The following SYK variants were observed in gnomAD, a reference collection of about 807,000 sequenced individuals.
SYK encodes the protein tyrosine-protein kinase SYK.
A neutral mutation model predicts 77.8 loss-of-function variants in SYK; 16 were observed. The ratio of observed to expected loss-of-function variants is 0.21; its 90% CI spans 0.14 to 0.31. SYK has a LOEUF of 0.31. SYK is among the 10% of genes least tolerant of loss of function. The pLI is 1.00. For missense variants in SYK, 529 were observed against 814.4 expected, an observed-to-expected ratio of 0.65 and a Z score of 4.26; for synonymous variants, 312 against 308.7, an observed-to-expected ratio of 1.01 and a Z score of -0.11.
intron 3 of SYK, among the ~76,000 whole-genome samples, chr9:90,857,156 T>C (rs1365448174): frequency 6.6e-6 from 1 of 152,274 alleles, no homozygotes; most frequent in East Asian, 1.9e-4. Context: ...TCCTTGTTCA[T>C]TGAGGAATGA....
At chr9:90,881,026 A>G (rs938200836) in intron 11 of SYK, among the ~76,000 whole-genome samples, 1 of 152,188 alleles carries the variant, frequency 6.6e-6, no homozygotes, top group Admixed American at 6.5e-5. Context: ...TGCCAGGCCT[A>G]TAAAACCAGG....
chr9:90,808,828 C>A (rs188928570), intron 1 of SYK, among the ~76,000 whole-genome samples: 1 of 152,282 alleles, frequency 6.6e-6, no homozygotes, highest in Non-Finnish European at 1.5e-5. Context: ...CCCCACACTG[C>A]TGCCTGCCTG....
At chr9:90,874,984 C>A in intron 9 of SYK, 135 bp downstream of exon 9, 2 of 1,114,460 alleles carry the variant, frequency 1.8e-6, no homozygotes, top group Non-Finnish European at 2.5e-6. Flanking sequence ...ATTTCTGGTA[C>A]TATTATAATG....
intron 3 of SYK, among the ~76,000 whole-genome samples, chr9:90,859,791 G>A (rs1675328): frequency 0.13 from 20,456 of 152,204 alleles, 1,516 homozygotes; most frequent in East Asian, 0.29. Context: ...TCTGAAGAGC[G>A]TGGAATGGTA....
rs17568705 is a variant in SYK, at chr9:90,897,433, T to G, written c.*1833T>G. 0.013 allele frequency: 3,088 copies of G among 232,268 alleles called. 41 individuals are homozygous for G. The highest frequency in any genetic ancestry group is 0.02 in the Non-Finnish European group (2,383 of 117,472). The allele number at this position is 232,268 out of a possible 1,614,324, so 14.4% of individuals were successfully genotyped here. The stretch of plus-strand genomic sequence containing the variant: ...CTGTCAGCCAGGCCACAAACAGGTG[T>G]AAAATTATGAAAGGAGTGGTTGGAT... On this transcript the variant is annotated 3_prime_UTR_variant, in exon 14 of 14. Coordinates refer to ENST00000375754, the MANE Select transcript of SYK (RefSeq NM_003177.7).
intron 1 of SYK, among the ~76,000 whole-genome samples, chr9:90,829,238 G>A (rs1440588300): frequency 6.6e-6 from 1 of 151,716 alleles, no homozygotes; most frequent in Non-Finnish European, 1.5e-5. Flanking sequence ...GCAGTGAGTG[G>A]AGATCGTGCC....
At chr9:90,893,049 A>C (rs148067163) in intron 13 of SYK, among the ~76,000 whole-genome samples, 1 of 152,220 alleles carries the variant, frequency 6.6e-6, no homozygotes, top group Non-Finnish European at 1.5e-5. Flanking sequence ...AGCTCCTGCT[A>C]TGCAGGCTGC....
intron 3 of SYK, among the ~76,000 whole-genome samples, chr9:90,847,832 C>T (rs1005641714): frequency 3.9e-5 from 6 of 152,342 alleles, no homozygotes; most frequent in African/African-American, 1.4e-4. Context: ...ACTGATGTAG[C>T]TTTTCTTCTC....
At chr9:90,838,171 G>A (rs1044676362) in intron 1 of SYK, among the ~76,000 whole-genome samples, 1 of 152,226 alleles carries the variant, frequency 6.6e-6, no homozygotes, top group Non-Finnish European at 1.5e-5. Flanking sequence ...ATGCAGATCA[G>A]GAGCTCAGTG....
rs73650275 is a variant in SYK, at chr9:90,897,923, A to G, written c.*2323A>G. ...TAGCCACCAAGGAGGGCAAATAGAG[A>G]AAGGTAACCTAATTGAAGGATTGGT... On this transcript the variant is annotated 3_prime_UTR_variant, in exon 14 of 14. Coordinates refer to ENST00000375754, the MANE Select transcript of SYK (RefSeq NM_003177.7). 4.0e-3 allele frequency: 903 copies of G among 227,470 alleles called. 7 individuals carry two copies. Among genetic ancestry groups the G allele is most frequent in the African/African-American group, 0.018 (822 of 45,164 alleles). The allele number at this position is 227,470 out of a possible 1,614,324, so 14.1% of individuals were successfully genotyped here. A position where few individuals can be genotyped will look rare whatever the true frequency, so the allele number is the denominator to read the frequency against.
intron 1 of SYK, among the ~76,000 whole-genome samples, chr9:90,806,252 G>C (rs4501705): frequency 0.23 from 35,487 of 151,958 alleles, 4,203 homozygotes; most frequent in Middle Eastern, 0.35. Context: ...GATATACCAA[G>C]TAATCTCACG....
At chr9:90,882,477 C>T (rs1301653285) in intron 11 of SYK, among the ~76,000 whole-genome samples, 4 of 152,256 alleles carry the variant, frequency 2.6e-5, no homozygotes, top group South Asian at 4.1e-4. Flanking sequence ...CAGAAGATAA[C>T]CAGACTCCGC....
At position 90,829,225 on chromosome 9, in the gene SYK, G is replaced by A. The variant is rs1806433; in HGVS notation, c.-41-14633G>A. On this transcript the variant is annotated intron_variant, in intron 1 of 13. Coordinates refer to ENST00000375754, the MANE Select transcript of SYK (RefSeq NM_003177.7). ...AATTGCTTGAACCCAGGAGGCAGAC[G>A]TTGCAGTGAGTGGAGATCGTGCCAT... Among the ~76,000 whole-genome samples, 375 of 151,812 alleles carry A rather than the reference G, an allele frequency of 2.5e-3. 3 individuals are homozygous for A. Among genetic ancestry groups the A allele is most frequent in the African/African-American group, 8.6e-3 (355 of 41,374 alleles).
chr9:90,822,813 C>A (rs1402492404), intron 1 of SYK, among the ~76,000 whole-genome samples: 1 of 152,168 alleles, frequency 6.6e-6, no homozygotes, highest in Non-Finnish European at 1.5e-5. Context: ...AGGTACAAGG[C>A]CCCTGAGGTC....
chr9:90,843,420 C>G (rs1442598630), intron 1 of SYK, among the ~76,000 whole-genome samples: 1 of 152,152 alleles, frequency 6.6e-6, no homozygotes, highest in African/African-American at 2.4e-5. Context: ...TGATGAGGAG[C>G]AAGGCTTCTC....
At chr9:90,863,558 G>A (rs528571192) in intron 4 of SYK, among the ~76,000 whole-genome samples, 38 of 152,212 alleles carry the variant, frequency 2.5e-4, no homozygotes, top group African/African-American at 6.7e-4. Flanking sequence ...ATTAAAAAAT[G>A]TTAGTCACAA....
chr9:90,867,053 A>T (rs1827526099), intron 6 of SYK, 78 bp from the exon 7 acceptor site: 1 of 1,540,258 alleles, frequency 6.5e-7, no homozygotes, highest in Admixed American at 1.7e-5. Flanking sequence ...AAGCAAATTT[A>T]AGTAGCATGT....
chr9:90,873,503 G>A (rs1364076103), intron 7 of SYK, among the ~76,000 whole-genome samples: 1 of 152,150 alleles, frequency 6.6e-6, no homozygotes, highest in African/African-American at 2.4e-5. Flanking sequence ...TCCCCCCCCA[G>A]TTGTTTCATG....
In SYK at chr9:90,868,501, G is replaced by C. The variant is rs189607763; in HGVS notation, c.915+1302G>C. On this transcript the variant is annotated intron_variant, in intron 7 of 13. Transcript: ENST00000375754. ...GATTAATAGCTTTAATATACAAAGA[G>C]ATTCTAAAAATAATTAACAAAAATA... 2.6e-5 allele frequency among the ~76,000 whole-genome samples: 4 copies of C among 152,274 alleles called. No individual in the cohort carries two copies. The East Asian group carries it at 7.7e-4, about 29-fold the overall frequency.
Sources: gnomAD v4.1 joint callset for allele counts (sites outside exome capture counted in the v4.1 genomes callset) on GRCh38, gnomAD v4.1.1 for gene constraint, MANE v1.5 for transcripts, NCBI Gene and HGNC (gene_info 2026-07-23, HGNC 2026-07-21) for gene names.